The following SASH3 variants were observed in gnomAD, a reference collection of about 807,000 sequenced individuals.
The protein encoded by SASH3 is SAM and SH3 domain-containing protein 3.
A neutral mutation model predicts 26.1 loss-of-function variants in SASH3; 7 were observed. That is an observed-to-expected ratio of 0.27 (90% CI 0.15 to 0.50). The LOEUF (loss-of-function observed/expected upper bound fraction) is 0.50, where lower values mean the gene tolerates loss of function less well. Ranked by LOEUF, SASH3 falls within the 20% of genes least tolerant of loss-of-function variation. The pLI, the probability that SASH3 is intolerant of heterozygous loss-of-function variation, is 0.98. For missense variants in SASH3, 231 were observed against 318.3 expected, an observed-to-expected ratio of 0.73 and a Z score of 2.09; for synonymous variants, 138 against 136.8, an observed-to-expected ratio of 1.01 and a Z score of -0.06.
chrX:129,783,596 G>A (rs1471046505), intron 1 of SASH3, among the ~76,000 whole-genome samples: 1 of 112,180 alleles, frequency 8.9e-6, no homozygotes, highest in African/African-American at 3.2e-5. Context: ...CCTCTGCTTC[G>A]AGGTGCGAAT....
intron 1 of SASH3, among the ~76,000 whole-genome samples, chrX:129,780,449 T>C (rs1002411471): frequency 8.9e-6 from 1 of 112,463 alleles, no homozygotes; most frequent in African/African-American, 3.2e-5. Flanking sequence ...AATCTTAGAC[T>C]AGAATTTGAG....
In SASH3 at chrX:129,780,136, G is replaced by A. The variant is rs761610241; in HGVS notation, c.39G>A (p.Glu13=). Residue 13 remains glutamate, a synonymous_variant, in exon 1 of 8, where the codon GAG becomes GAA. Coordinates refer to ENST00000356892, the MANE Select transcript of SASH3 (RefSeq NM_018990.4). The part of the protein sequence containing the change: ...RRKPSNASEK[E]PTQKKKLSLQ... ...AGCCCTCCAATGCCAGTGAGAAGGA[G>A]CCCACTCAGAAGAAAAAGGTGAGGA... 2.2e-5 allele frequency: 27 copies of A among 1,208,655 alleles called. No homozygotes were observed. Among genetic ancestry groups the A allele is most frequent in the Non-Finnish European group, 2.8e-5 (25 of 894,504 alleles).
intron 7 of SASH3, 72 bp downstream of exon 7, chrX:129,793,211 G>A: frequency 1.8e-6 from 2 of 1,128,502 alleles, no homozygotes; most frequent in Non-Finnish European, 2.4e-6. Context: ...GGCTTGCCCT[G>A]GCCTTGCCTT....
chrX:129,785,192 T>C (rs768542343), intron 1 of SASH3, among the ~76,000 whole-genome samples: 12 of 110,403 alleles, frequency 1.1e-4, no homozygotes, highest in Non-Finnish European at 1.3e-4. Flanking sequence ...GGGCCAACAG[T>C]GTATGGTACC....
chrX:129,789,167 G>GAAAGAAAGAGA (rs1569312723), intron 3 of SASH3, among the ~76,000 whole-genome samples: 12 of 13,793 alleles, frequency 8.7e-4, no homozygotes, highest in African/African-American at 2.8e-3. Flanking sequence ...GAAAGAAAGA[G>GAAAGAAAGAGA]AAAAAAAAAA....
chrX:129,782,533 G>C (rs1371116799), intron 1 of SASH3, among the ~76,000 whole-genome samples: 10 of 112,203 alleles, frequency 8.9e-5, no homozygotes, highest in Non-Finnish European at 1.9e-5. Flanking sequence ...TGACACTTGA[G>C]GCTCACAGAG....
In SASH3 at chrX:129,792,654, A is replaced by G. The variant is rs1231102806; in HGVS notation, c.619A>G (p.Lys207Glu). Residue 207 changes from lysine to glutamate, a missense_variant, in exon 6 of 8, where the codon AAG becomes GAG. Coordinates refer to ENST00000356892, the MANE Select transcript of SASH3 (RefSeq NM_018990.4). ...QKGDVIQIIEKPPVGTWLGLL... is the reference protein window; with the variant it reads ...QKGDVIQIIEEPPVGTWLGLL... ...AGGAGATGTGATCCAGATCATTGAA[A>G]AGCCACCTGTGGGCACGTGGCTGGG... 1 of 1,208,860 alleles carries G rather than the reference A, an allele frequency of 8.3e-7. No homozygotes were observed. The highest frequency in any genetic ancestry group is 1.1e-6 in the Non-Finnish European group (1 of 894,907).
In SASH3 at chrX:129,780,014, G is replaced by A; in HGVS notation, c.-84G>A. The stretch of plus-strand genomic sequence containing the variant: ...AGGCTCGGTTCATGCCGTGCCCCCG[G>A]GCAGTTCTGGTGAGGCTAAGCAAGA... On this transcript the variant is annotated 5_prime_UTR_variant, in exon 1 of 8. Transcript: ENST00000356892. 2.0e-6 allele frequency: 2 copies of A among 979,565 alleles called. No homozygotes were observed. Among genetic ancestry groups the A allele is most frequent in the Middle Eastern group, 3.4e-4 (1 of 2,972 alleles). 80.7% of individuals were successfully genotyped at this position (979,565 alleles called of 1,213,427 possible).
Position 129,794,204 on chromosome X carries a change from C to G in SASH3, c.*372C>G, listed in dbSNP as rs779922115. 5.0e-4 allele frequency: 112 copies of G among 224,454 alleles called. 1 individual carries two copies. The highest frequency in any genetic ancestry group is 3.0e-3 in the African/African-American group (107 of 36,172). The allele number at this position is 224,454 out of a possible 1,213,427, so 18.5% of individuals were successfully genotyped here. ...CAAATCCTCCTCACCCCCACACCACCTACCCCTGTCGCACTGCTCCTGAAA... is the reference window on the plus strand; with the variant it reads ...CAAATCCTCCTCACCCCCACACCACGTACCCCTGTCGCACTGCTCCTGAAA... On this transcript the variant is annotated 3_prime_UTR_variant, in exon 8 of 8. Transcript: ENST00000356892.
In SASH3 at chrX:129,788,493, G is replaced by T. The variant is rs200345952; in HGVS notation, c.216G>T (p.Leu72=). The T allele has an allele frequency of 2.4e-4, 286 of 1,209,913 alleles. 3 individuals carry two copies. In the East Asian group the frequency reaches 4.6e-3, roughly 19 times the overall value. Residue 72 remains leucine, a synonymous_variant, in exon 3 of 8, where the codon CTG becomes CTT. Coordinates refer to ENST00000356892, the MANE Select transcript of SASH3 (RefSeq NM_018990.4). ...PEDAGKSGKK[L]GKKWRAVISR... ...ATGCTGGGAAGAGTGGCAAAAAGCT[G>T]GGGAAGAAGTGGAGGGCAGTGATTT...
chrX:129,789,197 G>C (rs1248116433), intron 3 of SASH3, among the ~76,000 whole-genome samples: 1 of 104,947 alleles, frequency 9.5e-6, no homozygotes, highest in Admixed American at 9.9e-5. Context: ...GTCTGGGCAA[G>C]GGATGCTTCT....
In SASH3 at chrX:129,794,065, C is replaced by G. The variant is rs1443510700; in HGVS notation, c.*233C>G. On this transcript the variant is annotated 3_prime_UTR_variant, in exon 8 of 8. Transcript: ENST00000356892. Reference sequence around the variant, plus strand: ...CCACCTGCCTGAGCCCCGCCCTCCACCAGCGACTGACAGCGCAGCCCCTCC... The same window carrying G: ...CCACCTGCCTGAGCCCCGCCCTCCAGCAGCGACTGACAGCGCAGCCCCTCC... 5.1e-6 allele frequency: 2 copies of G among 389,021 alleles called. No individual in the cohort carries two copies. The highest frequency in any genetic ancestry group is 3.9e-5 in the East Asian group (1 of 25,559). The allele number at this position is 389,021 out of a possible 1,213,427, so 32.1% of individuals were successfully genotyped here.
chrX:129,784,214 TTTA>T (rs1291456549), intron 1 of SASH3, among the ~76,000 whole-genome samples: 10 of 111,449 alleles, frequency 9.0e-5, no homozygotes, highest in African/African-American at 3.3e-4. Flanking sequence ...GGCCAGCCCC[TTTA>T]CTCAACCATA....
At chrX:129,784,965 C>A (rs1927081652) in intron 1 of SASH3, among the ~76,000 whole-genome samples, 1 of 105,405 alleles carries the variant, frequency 9.5e-6, no homozygotes, top group Non-Finnish European at 1.9e-5. Context: ...GTTGAGTATA[C>A]TCAATGTATA....
chrX:129,783,854 G>A (rs183026384), intron 1 of SASH3, among the ~76,000 whole-genome samples: 1 of 111,830 alleles, frequency 8.9e-6, no homozygotes, highest in African/African-American at 3.3e-5. Context: ...GGCTGGGGCA[G>A]TGTGGACCTC....
At position 129,791,194 on chromosome X, in the gene SASH3, T is replaced by C. The variant is rs559027170; in HGVS notation, c.442+113T>C. On this transcript the variant is annotated intron_variant, in intron 4 of 7. Transcript: ENST00000356892. The stretch of plus-strand genomic sequence containing the variant: ...GGTAAGAGAAATGAATGCTTACTCT[T>C]TGCCTGCTGGGAACATTCTCAGTCC... The C allele has an allele frequency of 1.4e-5, 11 of 782,092 alleles. No individual in the cohort carries two copies. In the South Asian group the frequency reaches 2.6e-4, roughly 18 times the overall value. 64.5% of individuals were successfully genotyped at this position (782,092 alleles called of 1,213,427 possible). A position where few individuals can be genotyped will look rare whatever the true frequency, so the allele number is the denominator to read the frequency against.
chrX:129,787,965 CT>C lies in SASH3; in HGVS notation c.58-5del. The C allele has an allele frequency of 8.3e-7, 1 of 1,204,071 alleles. No homozygotes were observed. The highest frequency in any genetic ancestry group is 3.0e-5 in the East Asian group (1 of 33,756). On this transcript the variant is annotated splice_polypyrimidine_tract_variant and intron_variant, in intron 1 of 7. Coordinates refer to ENST00000356892, the MANE Select transcript of SASH3 (RefSeq NM_018990.4). ...TAGCCCACTGATTGCAACACCCACCCTTTTTCCAGCTCTCCCTTCAGCGCTC... is the reference window on the plus strand; with the variant it reads ...TAGCCCACTGATTGCAACACCCACCCTTTTCCAGCTCTCCCTTCAGCGCTC...
In SASH3 at chrX:129,793,823, G is replaced by A; in HGVS notation, c.1134G>A (p.Gly378=). Residue 378 remains glycine (G), a synonymous_variant, in exon 8 of 8, where the codon GGG becomes GGA. Coordinates refer to ENST00000356892, the MANE Select transcript of SASH3 (RefSeq NM_018990.4). Reference sequence around the variant, plus strand: ...AGCTGCAAGGCCTCTCCCTGGCCGGGGCACCTTGAGGTGGCGGTGGCAATA... The same window carrying A: ...AGCTGCAAGGCCTCTCCCTGGCCGGAGCACCTTGAGGTGGCGGTGGCAATA... The part of the protein sequence containing the change: ...EEQLQGLSLA[G]AP 8.5e-7 allele frequency: 1 copy of A among 1,181,953 alleles called. No homozygotes were observed. Among genetic ancestry groups the A allele is most frequent in the Non-Finnish European group, 1.1e-6 (1 of 880,246 alleles).
intron 1 of SASH3, among the ~76,000 whole-genome samples, chrX:129,785,537 G>A (rs1200877750): frequency 8.9e-6 from 1 of 112,124 alleles, no homozygotes; most frequent in Non-Finnish European, 1.9e-5. Context: ...GAGACAGAGG[G>A]ACCCTCGCAC....
Sources: allele counts gnomAD v4.1 joint callset (sites outside exome capture counted in the v4.1 genomes callset), GRCh38; gene constraint gnomAD v4.1.1; transcripts MANE v1.5; gene names NCBI Gene and HGNC (gene_info 2026-07-23, HGNC 2026-07-21).